Variants in NAA10 observed in about 807,000 individuals in gnomAD.
The protein encoded by NAA10 is N-alpha-acetyltransferase 10.
In NAA10, 6 loss-of-function variants were observed where a neutral mutation model predicts 19.2. The observed-to-expected ratio is 0.31, with a 90% CI of 0.17 to 0.62. The LOEUF is 0.62. Ranked by LOEUF, NAA10 falls within the 20% of genes least tolerant of loss-of-function variation. The pLI is 0.83. For missense variants in NAA10, 101 were observed against 198.4 expected, an observed-to-expected ratio of 0.51 and a Z score of 2.95; for synonymous variants, 97 against 79.9, an observed-to-expected ratio of 1.21 and a Z score of -1.14.
intron 5 of NAA10, 69 bp from the exon 6 acceptor site, chrX:153,932,184 G>T: frequency 8.4e-7 from 1 of 1,186,458 alleles, no homozygotes; most frequent in African/African-American, 1.7e-5. Flanking sequence ...TCCAGGTCTT[G>T]CCCCTCCTCC....
Position 153,930,501 on chromosome X carries a change from C to A in NAA10, c.471+262G>T. 8.8e-6 allele frequency: 4 copies of A among 455,150 alleles called. No homozygotes were observed. In the South Asian group the frequency reaches 1.3e-4, roughly 15 times the overall value. 37.5% of individuals were successfully genotyped at this position (455,150 alleles called of 1,213,427 possible). ...GGGCAGAACCCTGACTCAGAACTAC[C>A]TTTGAGCAGGCAGGCCACCCACTGG... is the stretch of plus-strand genomic sequence containing the variant. On this transcript the variant is annotated intron_variant, in intron 7 of 7. Coordinates refer to ENST00000464845, the MANE Select transcript of NAA10 (RefSeq NM_003491.4).
intron 3 of NAA10, among the ~76,000 whole-genome samples, chrX:153,933,388 G>A (rs782381484): frequency 2.7e-5 from 3 of 112,189 alleles, no homozygotes; most frequent in Non-Finnish European, 5.6e-5. Flanking sequence ...ATAATATATC[G>A]GCCAGGCGCA....
At position 153,929,773 on chromosome X, in the gene NAA10, T is replaced by C; in HGVS notation, c.*214A>G. Reference sequence around the variant, plus strand: ...TCCCCGGGGCCACAGCTGCTGAAGGTCATGAGACTAGGGAGTCCCACCTCC... The same window carrying C: ...TCCCCGGGGCCACAGCTGCTGAAGGCCATGAGACTAGGGAGTCCCACCTCC... On this transcript the variant is annotated 3_prime_UTR_variant, in exon 8 of 8. Coordinates refer to ENST00000464845, the MANE Select transcript of NAA10 (RefSeq NM_003491.4). 2.3e-6 allele frequency: 1 copy of C among 436,830 alleles called. No homozygotes were observed. The highest frequency in any genetic ancestry group is 3.8e-5 in the East Asian group (1 of 26,564). 36.0% of individuals were successfully genotyped at this position (436,830 alleles called of 1,213,427 possible).
intron 6 of NAA10, 62 bp from the exon 7 acceptor site, chrX:153,930,909 C>T (rs374569682): frequency 1.7e-6 from 2 of 1,211,001 alleles, no homozygotes; most frequent in Non-Finnish European, 2.2e-6. Context: ...CCCTCCTCCA[C>T]TCCTGGTATC....
At chrX:153,931,128 C>G in intron 6 of NAA10, 1 of 1,036,812 alleles carries the variant, frequency 9.6e-7, no homozygotes, top group Non-Finnish European at 1.2e-6. Flanking sequence ...CTGAATTCAG[C>G]CTTCCCCTTC....
chrX:153,929,996 T>C lies in NAA10; in HGVS notation c.699A>G (p.Ser233=). 2.5e-6 allele frequency: 3 copies of C among 1,208,569 alleles called. No individual in the cohort carries two copies. Among genetic ancestry groups the C allele is most frequent in the Non-Finnish European group, 3.4e-6 (3 of 893,116 alleles). Residue 233 remains serine (S), a synonymous_variant, in exon 8 of 8, where the codon TCA becomes TCG. Transcript: ENST00000464845. Reference sequence around the variant, plus strand: ...GGGGATGGGGCAGGCTCTAGGAGGCTGAGTCGGAGGCCTCTGAGCTGTCCT... The same window carrying C: ...GGGGATGGGGCAGGCTCTAGGAGGCCGAGTCGGAGGCCTCTGAGCTGTCCT... ...DVKDSSEASD[S]AS
chrX:153,932,149 G>C (rs782583006), intron 5 of NAA10, 34 bp from the exon 6 acceptor site: 5 of 1,209,066 alleles, frequency 4.1e-6, no homozygotes, highest in Non-Finnish European at 5.6e-6. Context: ...GAGCTGCACG[G>C]ATTTGGCCAG....
intron 6 of NAA10, chrX:153,931,371 A>G: frequency 1.2e-6 from 1 of 829,608 alleles, no homozygotes; most frequent in South Asian, 4.2e-5. Flanking sequence ...AGCAATTCCC[A>G]CCAGACATCG....
chrX:153,930,837 C>T lies in NAA10; in HGVS notation c.397G>A (p.Val133Met). The change falls in exon 7 of 8, where the codon GTG becomes ATG. Residue 133 changes from valine (V) to methionine (M), a missense_variant. Physicochemically the swap from Val to Met is conservative, Grantham distance 21 (BLOSUM62 1). Transcript: ENST00000464845. The part of the protein sequence containing the change: ...SNTLNFQISE[V>M]EPKYYADGED... ...CCATCTGCATAGTATTTGGGCTCCA[C>T]TTCACTGATCCTGGGGGCAGAGGGT... is the stretch of plus-strand genomic sequence containing the variant. The T allele has an allele frequency of 8.3e-7, 1 of 1,212,015 alleles. No homozygotes were observed.
intron 3 of NAA10, chrX:153,933,655 G>GCCT (rs2065179685): frequency 4.6e-6 from 1 of 216,722 alleles, no homozygotes. Context: ...CTGGGCGACA[G>GCCT]GGCAAGACTC....
rs187273783 is a variant in NAA10, at chrX:153,934,133, C to A, written c.121-132G>T. On this transcript the variant is annotated intron_variant, in intron 2 of 7. Coordinates refer to ENST00000464845, the MANE Select transcript of NAA10 (RefSeq NM_003491.4). ...CCGGGCTGAGTGGCTTGGTCTCCCC[C>A]TCGCCACACTGTGCCCTGCCCATAC... 8.8e-3 allele frequency: 5,522 copies of A among 627,547 alleles called. 199 individuals carry two copies. In the African/African-American group the frequency reaches 0.1, roughly 12 times the overall value. The allele number at this position is 627,547 out of a possible 1,213,427, so 51.7% of individuals were successfully genotyped here.
At chrX:153,930,469 G>C (rs782109707) in intron 7 of NAA10, 2 of 452,521 alleles carry the variant, frequency 4.4e-6, no homozygotes, top group East Asian at 3.7e-5. Flanking sequence ...GCCACCCGAT[G>C]AGCCTTGGGC....
At chrX:153,930,615 A>T in intron 7 of NAA10, 148 bp downstream of exon 7, 1 of 598,659 alleles carries the variant, frequency 1.7e-6, no homozygotes, top group African/African-American at 2.2e-5. Flanking sequence ...GGCCTCCTCT[A>T]AAGCCCAGCC....
At chrX:153,934,290 G>T in intron 2 of NAA10, 87 bp downstream of exon 2, 1 of 844,592 alleles carries the variant, frequency 1.2e-6, no homozygotes, top group Non-Finnish European at 1.7e-6. Flanking sequence ...CCTGGGCTCT[G>T]ACAGACTTGT....
In NAA10 at chrX:153,930,136, G is replaced by A. The variant is rs782408459; in HGVS notation, c.559C>T (p.Pro187Ser). 1.7e-6 allele frequency: 2 copies of A among 1,211,533 alleles called. No individual in the cohort carries two copies. The highest frequency in any genetic ancestry group is 2.2e-5 in the Admixed American group (1 of 46,045). ...ENKVESKGNS[P>S]PSSGEACREE... The stretch of plus-strand genomic sequence containing the variant: ...CGACAGGCCTCTCCTGAGCTCGGAG[G>A]TGAATTGCCTTTGCTCTCCACCTTG... The change falls in exon 8 of 8, where the codon CCT (proline) becomes TCT (serine). Residue 187 changes from proline (P) to serine (S), a missense_variant. By Grantham distance (74) the Pro-to-Ser change is moderately conservative. This residue lies in a region of NAA10 where 58 missense variants were observed against 75.8 expected (regional missense o/e 0.77). Transcript: ENST00000464845.
At chrX:153,934,651 G>A in intron 1 of NAA10, 176 bp from the exon 2 acceptor site, 1 of 566,545 alleles carries the variant, frequency 1.8e-6, no homozygotes, top group Admixed American at 2.7e-5. Context: ...CGCCCCGGAG[G>A]TCCCCGGAGC....
At position 153,935,033 on chromosome X, in the gene NAA10, G is replaced by C; in HGVS notation, c.-129C>G. The C allele has an allele frequency of 1.5e-6, 1 of 663,737 alleles. No homozygotes were observed. The highest frequency in any genetic ancestry group is 1.9e-6 in the Non-Finnish European group (1 of 526,688). 54.7% of individuals were successfully genotyped at this position (663,737 alleles called of 1,213,427 possible). A position where few individuals can be genotyped will look rare whatever the true frequency, so the allele number is the denominator to read the frequency against. On this transcript the variant is annotated 5_prime_UTR_variant, in exon 1 of 8. Transcript: ENST00000464845. Reference sequence around the variant, plus strand: ...GGCTCGCTGGGCGACGGCGGAAGGGGCGGTGCGCGCCGGGCCGGCCACCGG... The same window carrying C: ...GGCTCGCTGGGCGACGGCGGAAGGGCCGGTGCGCGCCGGGCCGGCCACCGG...
intron 7 of NAA10, chrX:153,930,470 A>G: frequency 4.4e-6 from 2 of 452,144 alleles, no homozygotes; most frequent in Non-Finnish European, 7.7e-6. Context: ...CCACCCGATG[A>G]GCCTTGGGCA....
rs782036754 is a variant in NAA10 at position 153,930,141 on chromosome X, T to C, written c.554A>G (p.Asn185Ser). ...AIENKVESKG[N>S]SPPSSGEACR... The stretch of plus-strand genomic sequence containing the variant: ...GGCCTCTCCTGAGCTCGGAGGTGAA[T>C]TGCCTTTGCTCTCCACCTTGTTCTC... Residue 185 changes from asparagine to serine, a missense_variant, in exon 8 of 8, where the codon AAT becomes AGT. Coordinates refer to ENST00000464845, the MANE Select transcript of NAA10 (RefSeq NM_003491.4). 4 of 1,210,708 alleles carry C rather than the reference T, an allele frequency of 3.3e-6. No individual in the cohort carries two copies. Among genetic ancestry groups the C allele is most frequent in the Admixed American group, 4.4e-5 (2 of 45,968 alleles).
Sources: gnomAD v4.1 joint callset for allele counts (sites outside exome capture counted in the v4.1 genomes callset) on GRCh38, gnomAD v4.1.1 for gene constraint, gnomAD v4.1.1 regional missense constraint, MANE v1.5 for transcripts, NCBI Gene and HGNC (gene_info 2026-07-23, HGNC 2026-07-21) for gene names.